AUH: variants seen among roughly 807,000 people sequenced by gnomAD.
AUH encodes AU RNA binding methylglutaconyl-CoA hydratase, also known as methylglutaconyl-CoA hydratase, mitochondrial.
In AUH, 29 loss-of-function variants were observed where a neutral mutation model predicts 42.3. The observed-to-expected ratio is 0.69, with a 90% CI of 0.51 to 0.93. The LOEUF (loss-of-function observed/expected upper bound fraction) is 0.93, where lower values mean the gene tolerates loss of function less well. Ranked by LOEUF, AUH falls within the 40% of genes least tolerant of loss-of-function variation. AUH has a pLI of 0.00. For synonymous variants in AUH, 174 were observed against 166.4 expected (o/e 1.05, Z -0.35); for missense variants, 452 against 438.1 (o/e 1.03, Z -0.28).
chr9:91,275,997 TG>T (rs1222171192), intron 6 of AUH, among the ~76,000 whole-genome samples: 2 of 152,172 alleles, frequency 1.3e-5, no homozygotes, highest in Admixed American at 6.5e-5. Flanking sequence ...TACAGCTTCA[TG>T]CATTAAAGGT....
chr9:91,289,995 A>T (rs1259663636), intron 6 of AUH, among the ~76,000 whole-genome samples: 1 of 152,146 alleles, frequency 6.6e-6, no homozygotes, highest in African/African-American at 2.4e-5. Context: ...ATTTTTATTA[A>T]TAACGAAAAT....
chr9:91,335,057 G>A (rs972777142), intron 3 of AUH, among the ~76,000 whole-genome samples: 3 of 152,280 alleles, frequency 2.0e-5, no homozygotes, highest in African/African-American at 7.2e-5. Context: ...CTTACGTGGT[G>A]GTTGTCAGGG....
chr9:91,266,038 A>T (rs1019757914), intron 6 of AUH, among the ~76,000 whole-genome samples: 26 of 152,040 alleles, frequency 1.7e-4, no homozygotes, highest in African/African-American at 6.0e-4. Context: ...TGCTTTCTTG[A>T]CCCAGAGCCT....
At chr9:91,250,208 T>C (rs370476456) in intron 6 of AUH, among the ~76,000 whole-genome samples, 1 of 152,250 alleles carries the variant, frequency 6.6e-6, no homozygotes, top group East Asian at 1.9e-4. Context: ...GCCCAGCACA[T>C]GGCAGCCCTC....
intron 6 of AUH, among the ~76,000 whole-genome samples, chr9:91,223,494 T>C (rs954474181): frequency 1.3e-5 from 2 of 152,240 alleles, no homozygotes; most frequent in Non-Finnish European, 2.9e-5. Flanking sequence ...TGGGTTGCTC[T>C]ACCTTTTGGC....
At chr9:91,320,047 G>A (rs1829450070) in intron 4 of AUH, among the ~76,000 whole-genome samples, 2 of 152,190 alleles carry the variant, frequency 1.3e-5, no homozygotes, top group Admixed American at 6.5e-5. Context: ...CAGATTCACT[G>A]ATGCTAACAT....
chr9:91,271,693 T>C (rs1340402453), intron 6 of AUH, among the ~76,000 whole-genome samples: 1 of 152,228 alleles, frequency 6.6e-6, no homozygotes, highest in African/African-American at 2.4e-5. Context: ...TTTGTTGTTG[T>C]TGTTTTTGAG....
chr9:91,277,344 G>GA (rs1825626504), intron 6 of AUH, among the ~76,000 whole-genome samples: 1 of 152,000 alleles, frequency 6.6e-6, no homozygotes, highest in Non-Finnish European at 1.5e-5. Flanking sequence ...GTCAACAATG[G>GA]AAAATCTATC....
At chr9:91,344,841 C>G (rs1032329070) in intron 3 of AUH, among the ~76,000 whole-genome samples, 1 of 152,038 alleles carries the variant, frequency 6.6e-6, no homozygotes, top group Admixed American at 6.6e-5. Context: ...CAAATCAAAT[C>G]CAGCAGTATA....
chr9:91,357,958 A>C (rs1832557262), intron 1 of AUH, among the ~76,000 whole-genome samples: 1 of 152,168 alleles, frequency 6.6e-6, no homozygotes, highest in Admixed American at 6.5e-5. Context: ...CACATATAAA[A>C]CTGGCGGGGG....
intron 6 of AUH, among the ~76,000 whole-genome samples, chr9:91,262,534 C>T (rs1259417551): frequency 1.3e-5 from 2 of 152,158 alleles, no homozygotes; most frequent in Admixed American, 6.5e-5. Context: ...GCCACTTGTA[C>T]CCTATTTCAA....
At chr9:91,282,010 C>G (rs1055877542) in intron 6 of AUH, among the ~76,000 whole-genome samples, 5 of 152,140 alleles carry the variant, frequency 3.3e-5, no homozygotes, top group African/African-American at 1.2e-4. Context: ...CCTTCTCACT[C>G]AGGGTAAAAG....
chr9:91,351,521 A>G (rs1194478140), intron 3 of AUH, among the ~76,000 whole-genome samples: 3 of 152,200 alleles, frequency 2.0e-5, no homozygotes, highest in African/African-American at 7.2e-5. Context: ...TCATCCTTGT[A>G]TAAACATCAT....
chr9:91,228,830 G>A (rs557364743), intron 6 of AUH, among the ~76,000 whole-genome samples: 2 of 152,344 alleles, frequency 1.3e-5, no homozygotes, highest in South Asian at 4.1e-4. Context: ...TCATTTAGGA[G>A]CAGGTTGTTC....
At chr9:91,331,606 C>T (rs964592627) in intron 3 of AUH, among the ~76,000 whole-genome samples, 1 of 152,144 alleles carries the variant, frequency 6.6e-6, no homozygotes, top group African/African-American at 2.4e-5. Context: ...ACTAAGTAGA[C>T]AACGCATGGA....
At chr9:91,324,876 T>C (rs907490462) in intron 4 of AUH, among the ~76,000 whole-genome samples, 6 of 151,830 alleles carry the variant, frequency 4.0e-5, no homozygotes, top group Admixed American at 6.6e-5. Flanking sequence ...AAAATGTTCA[T>C]TAATGAAGAA....
At chr9:91,257,250 GTC>G (rs1479748578) in intron 6 of AUH, among the ~76,000 whole-genome samples, 1 of 152,116 alleles carries the variant, frequency 6.6e-6, no homozygotes, top group Non-Finnish European at 1.5e-5. Context: ...ACAGCTAGTA[GTC>G]TCTGCCACAG....
chr9:91,298,122 C>G, intron 4 of AUH, 46 bp from the exon 5 acceptor site: 1 of 1,423,658 alleles, frequency 7.0e-7, no homozygotes, highest in Non-Finnish European at 9.9e-7. Context: ...AGATTATTAT[C>G]TCACTGTGTA....
chr9:91,307,750 T>C (rs1564085592), intron 4 of AUH, among the ~76,000 whole-genome samples: 1 of 152,344 alleles, frequency 6.6e-6, no homozygotes, highest in East Asian at 1.9e-4. Flanking sequence ...TCATCATAGG[T>C]GTGTATGTAC....
Sources: allele counts gnomAD v4.1 joint callset (sites outside exome capture counted in the v4.1 genomes callset), GRCh38; gene constraint gnomAD v4.1.1; transcripts MANE v1.5; gene names NCBI Gene and HGNC (gene_info 2026-07-23, HGNC 2026-07-21).